The following WDR72 variants were observed in gnomAD, a reference collection of about 807,000 sequenced individuals.
WDR72 encodes the protein WD repeat domain 72.
A neutral mutation model predicts 124.2 loss-of-function variants in WDR72; 120 were observed. The observed-to-expected ratio is 0.97, with a 90% CI of 0.83 to 1.12. The LOEUF (loss-of-function observed/expected upper bound fraction) is 1.12. Ranked by LOEUF, WDR72 falls within the 50% of genes most tolerant of loss-of-function variation. The probability of loss-of-function intolerance (pLI) is 0.00; values close to 1 mark genes in which losing one functional copy is unlikely to be tolerated. For missense variants in WDR72, 1,387 were observed against 1,278.8 expected (o/e 1.08, Z -1.29); for synonymous variants, 452 against 441.7 (o/e 1.02, Z -0.29).
At chr15:53,662,591 T>C (rs1008409083) in intron 14 of WDR72, among the ~76,000 whole-genome samples, 1 of 152,214 alleles carries the variant, frequency 6.6e-6, no homozygotes, top group South Asian at 2.1e-4. Context: ...ACAGGCATAC[T>C]GTCCCTCATT....
intron 14 of WDR72, among the ~76,000 whole-genome samples, chr15:53,639,538 A>T (rs2014762635): frequency 6.8e-6 from 1 of 146,376 alleles, no homozygotes; most frequent in Non-Finnish European, 1.5e-5. Flanking sequence ...ATAAAATTAT[A>T]TATAATTTTA....
intron 2 of WDR72, among the ~76,000 whole-genome samples, chr15:53,731,220 G>C (rs1047711669): frequency 6.6e-6 from 1 of 151,884 alleles, no homozygotes; most frequent in African/African-American, 2.4e-5. Context: ...CCACGCCTAG[G>C]CCCGTCTTCC....
At chr15:53,540,713 T>A (rs1893055666) in intron 18 of WDR72, among the ~76,000 whole-genome samples, 1 of 152,168 alleles carries the variant, frequency 6.6e-6, no homozygotes, top group Non-Finnish European at 1.5e-5. Context: ...GGGTGATTTC[T>A]GCACTTCCAT....
rs2140545960 is a variant in WDR72 at position 53,711,060 on chromosome 15, ACT to A, written c.858-109_858-108del. 3 of 1,020,422 alleles carry A rather than the reference ACT, an allele frequency of 2.9e-6. No homozygotes were observed. In the South Asian group the frequency reaches 4.2e-5, roughly 14 times the overall value. 63.2% of individuals were successfully genotyped at this position (1,020,422 alleles called of 1,614,324 possible). A position where few individuals can be genotyped will look rare whatever the true frequency, so the allele number is the denominator to read the frequency against. On this transcript the variant is annotated intron_variant, in intron 8 of 19. Transcript: ENST00000360509. ...CGGATGGTACCGTTCAAGTTTCTAAACTCTAGTTAGAAATTGTTGGGTTAATA... is the reference window on the plus strand; with the variant it reads ...CGGATGGTACCGTTCAAGTTTCTAAACTAGTTAGAAATTGTTGGGTTAATA...
chr15:53,713,026 G>T, intron 6 of WDR72, 135 bp from the exon 7 acceptor site: 1 of 973,330 alleles, frequency 1.0e-6, no homozygotes, highest in Non-Finnish European at 1.5e-6. Flanking sequence ...CCTTTTGAGT[G>T]TTTTGAACTA....
chr15:53,552,210 T>C (rs1313907133), intron 18 of WDR72, among the ~76,000 whole-genome samples: 1 of 152,082 alleles, frequency 6.6e-6, no homozygotes, highest in Non-Finnish European at 1.5e-5. Context: ...TATCAGTTAA[T>C]TTCATAGTGG....
intron 14 of WDR72, among the ~76,000 whole-genome samples, chr15:53,661,289 T>C (rs1291272638): frequency 6.6e-6 from 1 of 152,204 alleles, no homozygotes; most frequent in East Asian, 1.9e-4. Context: ...ACAGGACATC[T>C]GGTGAAGGCC....
chr15:53,616,177 C>G lies in WDR72; in HGVS notation c.2029G>C (p.Val677Leu). 6.2e-7 allele frequency: 1 copy of G among 1,607,738 alleles called. No individual in the cohort carries two copies. The highest frequency in any genetic ancestry group is 8.5e-7 in the Non-Finnish European group (1 of 1,178,388). Residue 677 changes from valine to leucine, a missense_variant, in exon 15 of 20, where the codon GTT (valine) becomes CTT (leucine). Coordinates refer to ENST00000360509, the MANE Select transcript of WDR72 (RefSeq NM_182758.4). ...VLPVKTKWSN[V>L]GFHILLFDLE... Reference sequence around the variant, plus strand: ...TCAAATAGAAGAATATGAAAGCCAACGTTACTCCATTTTGTCTTCACAGGC... The same window carrying G: ...TCAAATAGAAGAATATGAAAGCCAAGGTTACTCCATTTTGTCTTCACAGGC...
In WDR72 at chr15:53,609,546, C is replaced by T; in HGVS notation, c.2919G>A (p.Lys973=). The part of the protein sequence containing the change: ...HVPEADLSLL[K]LISCWRDQSV... ...ACTGGTCTCTCCAACAGGAAATTAG[C>T]TTCAAAAGTGAAAGGTCAGCCTCAG... is the stretch of plus-strand genomic sequence containing the variant. The change falls in exon 17 of 20, where the codon AAG becomes AAA. Residue 973 remains lysine, a synonymous_variant. Transcript: ENST00000360509. The T allele has an allele frequency of 6.2e-7, 1 of 1,613,564 alleles. No homozygotes were observed. The highest frequency in any genetic ancestry group is 2.2e-5 in the East Asian group (1 of 44,842).
chr15:53,752,770 A>G (rs1203798924), intron 1 of WDR72, among the ~76,000 whole-genome samples: 6 of 152,190 alleles, frequency 3.9e-5, no homozygotes, highest in South Asian at 2.1e-4. Context: ...CCTGAAACAT[A>G]TATTTAAATT....
intron 18 of WDR72, among the ~76,000 whole-genome samples, chr15:53,540,209 C>T (rs962605811): frequency 2.0e-5 from 3 of 151,956 alleles, no homozygotes; most frequent in African/African-American, 4.8e-5. Context: ...ATAATGGGGA[C>T]GAAATATTGA....
chr15:53,747,982 C>CTTTTT (rs10625145), intron 1 of WDR72, among the ~76,000 whole-genome samples: 1 of 147,974 alleles, frequency 6.8e-6, no homozygotes, highest in African/African-American at 2.5e-5. Flanking sequence ...CAGTGAAAAT[C>CTTTTT]TTTTTTTTTT....
intron 14 of WDR72, among the ~76,000 whole-genome samples, chr15:53,643,334 A>T (rs183546804): frequency 2.6e-4 from 40 of 152,232 alleles, no homozygotes; most frequent in Non-Finnish European, 4.6e-4. Context: ...TAATGTTGTA[A>T]TAACTGTTTG....
intron 18 of WDR72, among the ~76,000 whole-genome samples, chr15:53,525,518 C>T (rs1319186748): frequency 6.6e-6 from 1 of 152,046 alleles, no homozygotes; most frequent in Admixed American, 6.6e-5. Context: ...TCAGAAGATA[C>T]TGTTCTAAAT....
intron 18 of WDR72, among the ~76,000 whole-genome samples, chr15:53,548,397 C>T (rs1038938099): frequency 6.6e-6 from 1 of 152,166 alleles, no homozygotes; most frequent in African/African-American, 2.4e-5. Context: ...TAGTTTCTGC[C>T]ATGCACTGGG....
intron 1 of WDR72, among the ~76,000 whole-genome samples, chr15:53,753,839 T>G (rs1210388215): frequency 1.3e-5 from 2 of 152,208 alleles, no homozygotes; most frequent in African/African-American, 4.8e-5. Flanking sequence ...TTTTCTCAAG[T>G]AATCCACACA....
At chr15:53,688,616 A>G (rs1485391053) in intron 13 of WDR72, among the ~76,000 whole-genome samples, 2 of 152,202 alleles carry the variant, frequency 1.3e-5, no homozygotes, top group Non-Finnish European at 2.9e-5. Context: ...AAGAATCAAT[A>G]TCGTGAAAAT....
At chr15:53,709,813 A>T (rs2017482686) in intron 9 of WDR72, among the ~76,000 whole-genome samples, 1 of 152,226 alleles carries the variant, frequency 6.6e-6, no homozygotes, top group Admixed American at 6.5e-5. Context: ...ACAAAACCTC[A>T]CAGATATGTT....
chr15:53,696,130 G>A (rs563725970), intron 13 of WDR72, among the ~76,000 whole-genome samples: 3 of 152,070 alleles, frequency 2.0e-5, no homozygotes, highest in Admixed American at 1.3e-4. Context: ...TGAAAGATCT[G>A]ATAAATACCT....
Sources: gnomAD v4.1 joint callset for allele counts (sites outside exome capture counted in the v4.1 genomes callset) on GRCh38, gnomAD v4.1.1 for gene constraint, MANE v1.5 for transcripts, NCBI Gene and HGNC (gene_info 2026-07-23, HGNC 2026-07-21) for gene names.